PDE4B: variants seen among roughly 807,000 people sequenced by gnomAD.
PDE4B encodes the protein 3',5'-cyclic-AMP phosphodiesterase 4B.
PDE4B carries 20 observed loss-of-function variants against 82.2 expected under a neutral mutation model. The ratio of observed to expected loss-of-function variants is 0.24; its 90% CI spans 0.17 to 0.35. The LOEUF is 0.35. PDE4B is among the 10% of genes least tolerant of loss of function. The pLI is 1.00. For missense variants in PDE4B, 655 were observed against 907.2 expected, an observed-to-expected ratio of 0.72 and a Z score of 3.57; for synonymous variants, 320 against 318.9, an observed-to-expected ratio of 1.00 and a Z score of -0.04.
intron 3 of PDE4B, among the ~76,000 whole-genome samples, chr1:66,139,297 T>G (rs998718188): frequency 6.6e-6 from 1 of 152,226 alleles, no homozygotes. Flanking sequence ...TTCAGTTCCT[T>G]GTGCCTGTAG....
intron 12 of PDE4B, among the ~76,000 whole-genome samples, chr1:66,364,022 A>G (rs571053231): frequency 6.6e-6 from 1 of 152,272 alleles, no homozygotes; most frequent in South Asian, 2.1e-4. Flanking sequence ...ATTTCAGGGC[A>G]GGAATCATGT....
At chr1:65,974,110 G>T (rs1409856392) in intron 3 of PDE4B, among the ~76,000 whole-genome samples, 1 of 152,106 alleles carries the variant, frequency 6.6e-6, no homozygotes, top group Non-Finnish European at 1.5e-5. Flanking sequence ...ACTATACCTG[G>T]CCTGGAATAA....
At chr1:66,369,604 A>G (rs558033379) in intron 16 of PDE4B, among the ~76,000 whole-genome samples, 2 of 152,362 alleles carry the variant, frequency 1.3e-5, no homozygotes, top group East Asian at 3.9e-4. Flanking sequence ...AATGGAAAGT[A>G]TCAGTATCCA....
intron 7 of PDE4B, among the ~76,000 whole-genome samples, chr1:66,307,938 G>A (rs1266394359): frequency 6.6e-6 from 1 of 152,118 alleles, no homozygotes; most frequent in South Asian, 2.1e-4. Flanking sequence ...GTGCTTTTGT[G>A]CCAGGCTTTA....
chr1:65,945,199 C>T (rs1306950971), intron 3 of PDE4B, among the ~76,000 whole-genome samples: 4 of 151,950 alleles, frequency 2.6e-5, no homozygotes, highest in African/African-American at 9.7e-5. Flanking sequence ...GTGTCATTTT[C>T]CCACTAGCAC....
At chr1:65,985,815 C>T (rs1333395286) in intron 3 of PDE4B, among the ~76,000 whole-genome samples, 3 of 152,286 alleles carry the variant, frequency 2.0e-5, no homozygotes, top group African/African-American at 7.2e-5. Context: ...CACCTAATTA[C>T]TCTGCTAAAA....
At chr1:66,155,808 C>T (rs1413006059) in intron 3 of PDE4B, among the ~76,000 whole-genome samples, 1 of 152,062 alleles carries the variant, frequency 6.6e-6, no homozygotes, top group African/African-American at 2.4e-5. Flanking sequence ...GTTCTCTTTC[C>T]AACACATGAA....
At chr1:66,081,772 A>G (rs1030085907) in intron 3 of PDE4B, among the ~76,000 whole-genome samples, 2 of 150,368 alleles carry the variant, frequency 1.3e-5, no homozygotes, top group African/African-American at 4.9e-5. Context: ...TCTTTTCTTT[A>G]CTATAAAACA....
chr1:66,085,371 C>CCATCA (rs1472156157), intron 3 of PDE4B, among the ~76,000 whole-genome samples: 2 of 152,090 alleles, frequency 1.3e-5, no homozygotes, highest in Non-Finnish European at 2.9e-5. Context: ...GGAATAGACA[C>CCATCA]CATCAAATTT....
intron 1 of PDE4B, among the ~76,000 whole-genome samples, chr1:65,833,030 A>G (rs1411903417): frequency 2.0e-5 from 3 of 152,206 alleles, no homozygotes; most frequent in African/African-American, 4.8e-5. Flanking sequence ...GAACAATGTT[A>G]TCAGGATTTG....
At chr1:66,223,407 C>T (rs1651162109) in intron 3 of PDE4B, among the ~76,000 whole-genome samples, 1 of 152,190 alleles carries the variant, frequency 6.6e-6, no homozygotes, top group African/African-American at 2.4e-5. Flanking sequence ...AGAACTAGCT[C>T]CAACTTGCTT....
In PDE4B at chr1:65,887,860, A is replaced by T. The variant is rs74851849; in HGVS notation, c.-70-25385A>T. 2.0e-5 allele frequency among the ~76,000 whole-genome samples: 3 copies of T among 152,160 alleles called. No homozygotes were observed. In the South Asian group the frequency reaches 6.2e-4, roughly 32 times the overall value. On this transcript the variant is annotated intron_variant, in intron 1 of 16. Transcript: ENST00000341517. The stretch of plus-strand genomic sequence containing the variant: ...TATCTGGATATTAGTCTCTTATTAG[A>T]TGAATAGTTTGCAAATAGATTATTC...
At chr1:66,017,915 A>C (rs1652870101) in intron 3 of PDE4B, among the ~76,000 whole-genome samples, 2 of 152,120 alleles carry the variant, frequency 1.3e-5, no homozygotes. Context: ...TGTATGTGGA[A>C]ATTGGAATTA....
At chr1:66,364,526 T>C (rs1663077257) in intron 12 of PDE4B, among the ~76,000 whole-genome samples, 1 of 152,186 alleles carries the variant, frequency 6.6e-6, no homozygotes, top group African/African-American at 2.4e-5. Flanking sequence ...AGGAAGAGAC[T>C]GGCCATGCCC....
intron 3 of PDE4B, among the ~76,000 whole-genome samples, chr1:66,120,307 G>T (rs1048388272): frequency 1.3e-5 from 2 of 151,500 alleles, no homozygotes; most frequent in African/African-American, 4.9e-5. Context: ...CTAGACCCTT[G>T]GTTTGGATGG....
intron 3 of PDE4B, among the ~76,000 whole-genome samples, chr1:66,080,346 C>T (rs918787207): frequency 2.6e-5 from 4 of 152,104 alleles, no homozygotes; most frequent in African/African-American, 4.8e-5. Flanking sequence ...AAATAAGATG[C>T]GTTGACAAAA....
rs190559996 is a variant in PDE4B at position 66,019,836 on chromosome 1, C to T, written c.281+101001C>T. 1.9e-3 allele frequency among the ~76,000 whole-genome samples: 292 copies of T among 152,278 alleles called. 1 individual carries two copies. The highest frequency in any genetic ancestry group is 6.8e-3 in the African/African-American group (282 of 41,540). ...ATCTGATCTGGAAATCTGTTCAGAT[C>T]CAGTTTGAGGAACTAGTTGAGTAGA... On this transcript the variant is annotated intron_variant, in intron 3 of 16. Transcript: ENST00000341517.
At chr1:66,340,989 A>G (rs1660937627) in intron 8 of PDE4B, among the ~76,000 whole-genome samples, 1 of 152,200 alleles carries the variant, frequency 6.6e-6, no homozygotes, top group Non-Finnish European at 1.5e-5. Flanking sequence ...CAAACCAAAA[A>G]AGATCTAAAC....
chr1:66,200,168 T>C (rs1015240336), intron 3 of PDE4B, among the ~76,000 whole-genome samples: 3 of 152,188 alleles, frequency 2.0e-5, no homozygotes, highest in African/African-American at 7.2e-5. Context: ...ATATATGGCA[T>C]TATTTCCGAG....
Sources: gnomAD v4.1 joint callset for allele counts (sites outside exome capture counted in the v4.1 genomes callset) on GRCh38, gnomAD v4.1.1 for gene constraint, MANE v1.5 for transcripts, NCBI Gene and HGNC (gene_info 2026-07-23, HGNC 2026-07-21) for gene names.